Variants in CRIM1 observed in about 807,000 individuals in gnomAD.
The protein encoded by CRIM1 is cysteine-rich motor neuron 1 protein.
Under a neutral mutation model 116.4 loss-of-function variants are expected in CRIM1, and 32 were observed. The ratio of observed to expected loss-of-function variants is 0.27; its 90% CI spans 0.21 to 0.37. The LOEUF (loss-of-function observed/expected upper bound fraction) is 0.37, where lower values mean the gene tolerates loss of function less well. Ranked by LOEUF, CRIM1 falls within the 10% of genes least tolerant of loss-of-function variation. CRIM1 has a pLI of 1.00. For missense variants in CRIM1, 1,331 were observed against 1,354.8 expected (o/e 0.98, Z 0.28); for synonymous variants, 590 against 509.2 (o/e 1.16, Z -2.13).
intron 13 of CRIM1, among the ~76,000 whole-genome samples, chr2:36,528,040 A>G (rs973894776): frequency 2.6e-5 from 4 of 152,164 alleles, no homozygotes; most frequent in Non-Finnish European, 1.5e-5. Flanking sequence ...GCTTCACAAA[A>G]GTGCCAAGAA....
intron 2 of CRIM1, among the ~76,000 whole-genome samples, chr2:36,423,601 GAT>G (rs1487805217): frequency 2.0e-5 from 3 of 152,190 alleles, no homozygotes; most frequent in African/African-American, 7.2e-5. Flanking sequence ...TTGTAAACTT[GAT>G]ATGTTTTTGC....
chr2:36,505,226 T>C (rs1358450325), intron 8 of CRIM1, among the ~76,000 whole-genome samples: 2 of 152,214 alleles, frequency 1.3e-5, no homozygotes, highest in African/African-American at 4.8e-5. Context: ...TTGTAGGAAT[T>C]GCCAGCATCT....
chr2:36,517,608 G>A (rs1398928529), intron 12 of CRIM1, 66 bp downstream of exon 12: 12 of 1,515,092 alleles, frequency 7.9e-6, no homozygotes. Flanking sequence ...TTGTCATTCT[G>A]TGGGACCCAC....
chr2:36,481,155 T>C (rs1679387156), intron 7 of CRIM1, among the ~76,000 whole-genome samples: 3 of 152,178 alleles, frequency 2.0e-5, no homozygotes, highest in African/African-American at 7.2e-5. Flanking sequence ...CTTTAAAAAC[T>C]TGTTGAATAA....
At chr2:36,483,315 T>C (rs1270976491) in intron 7 of CRIM1, among the ~76,000 whole-genome samples, 1 of 152,186 alleles carries the variant, frequency 6.6e-6, no homozygotes, top group East Asian at 1.9e-4. Flanking sequence ...AAAAAAGAGA[T>C]TGGACGGCAG....
At chr2:36,495,111 G>C (rs1186705335) in intron 7 of CRIM1, among the ~76,000 whole-genome samples, 2 of 152,154 alleles carry the variant, frequency 1.3e-5, no homozygotes, top group Non-Finnish European at 2.9e-5. Flanking sequence ...GGATGCATCA[G>C]TGCCGCCAGA....
intron 15 of CRIM1, among the ~76,000 whole-genome samples, 177 bp downstream of exon 15, chr2:36,544,675 A>AT (rs1413125805): frequency 6.4e-4 from 97 of 152,380 alleles, no homozygotes; most frequent in African/African-American, 2.3e-3. Flanking sequence ...CATTGATAAA[A>AT]TAAGTCAGCA....
chr2:36,403,497 C>G (rs1672566116), intron 2 of CRIM1, among the ~76,000 whole-genome samples: 1 of 152,118 alleles, frequency 6.6e-6, no homozygotes, highest in South Asian at 2.1e-4. Flanking sequence ...TTGGGTCCAA[C>G]TCTGAGAAAT....
intron 7 of CRIM1, among the ~76,000 whole-genome samples, chr2:36,484,516 A>G (rs1293309700): frequency 6.6e-6 from 1 of 152,200 alleles, no homozygotes. Flanking sequence ...ATTACTCAAT[A>G]AGAAAAATTC....
intron 1 of CRIM1, among the ~76,000 whole-genome samples, chr2:36,380,228 C>T (rs1670638966): frequency 1.3e-5 from 2 of 152,220 alleles, no homozygotes; most frequent in African/African-American, 4.8e-5. Flanking sequence ...CTGAAGTCTG[C>T]CTGTTCACCT....
chr2:36,519,718 T>C (rs1665253193), intron 12 of CRIM1, among the ~76,000 whole-genome samples: 1 of 152,212 alleles, frequency 6.6e-6, no homozygotes, highest in Non-Finnish European at 1.5e-5. Flanking sequence ...TCTCTTCAGC[T>C]TTCCCTCTTC....
intron 1 of CRIM1, among the ~76,000 whole-genome samples, chr2:36,360,311 A>G (rs112690119): frequency 2.6e-5 from 4 of 152,308 alleles, no homozygotes; most frequent in African/African-American, 7.2e-5. Context: ...CACTGTTCCG[A>G]GGACTCTGTT....
intron 2 of CRIM1, among the ~76,000 whole-genome samples, chr2:36,425,960 T>C (rs969603135): frequency 6.6e-6 from 1 of 152,228 alleles, no homozygotes; most frequent in Non-Finnish European, 1.5e-5. Flanking sequence ...GGAAAATCAC[T>C]TAGCTGGTGA....
At chr2:36,511,703 C>A (rs1664694648) in intron 9 of CRIM1, among the ~76,000 whole-genome samples, 1 of 152,182 alleles carries the variant, frequency 6.6e-6, no homozygotes. Context: ...CTGGCTAGAA[C>A]ACATGTGTTA....
intron 2 of CRIM1, among the ~76,000 whole-genome samples, chr2:36,436,508 A>G (rs933688808): frequency 1.3e-5 from 2 of 152,206 alleles, no homozygotes; most frequent in African/African-American, 4.8e-5. Flanking sequence ...AGTGCTGGAA[A>G]TTTGAAGAGA....
At chr2:36,515,800 T>C (rs1246287582) in intron 11 of CRIM1, among the ~76,000 whole-genome samples, 1 of 152,250 alleles carries the variant, frequency 6.6e-6, no homozygotes, top group Non-Finnish European at 1.5e-5. Flanking sequence ...CTTCCGTACA[T>C]GTCAGCATTT....
At chr2:36,477,154 A>C in intron 6 of CRIM1, 83 bp downstream of exon 6, 96 of 1,114,068 alleles carry the variant, frequency 8.6e-5, no homozygotes, top group Non-Finnish European at 1.1e-4. Flanking sequence ...ATTCAGTCTC[A>C]TCCAAAAGTA....
chr2:36,498,650 C>A (rs1039130264), intron 7 of CRIM1, among the ~76,000 whole-genome samples: 1 of 152,078 alleles, frequency 6.6e-6, no homozygotes, highest in Non-Finnish European at 1.5e-5. Context: ...TCTCTGGGCC[C>A]TGAGGATAAG....
In CRIM1 at chr2:36,512,308, A is replaced by G; in HGVS notation, c.1694A>G (p.Lys565Arg). The G allele has an allele frequency of 2.5e-6, 4 of 1,613,940 alleles. No homozygotes were observed. The highest frequency in any genetic ancestry group is 3.4e-6 in the Non-Finnish European group (4 of 1,179,764). ...NKHGCDICRCKKCPELSCSKI... is the reference protein window; with the variant it reads ...NKHGCDICRCRKCPELSCSKI... ...CACGGCTGTGACATCTGTCGCTGTA[A>G]GAAATGTCCAGAGCTCTCATGCAGT... The change falls in exon 10 of 17, where the codon AAG becomes AGG. Residue 565 changes from lysine to arginine, a missense_variant. Lys to Arg is a conservative substitution (Grantham distance 26). Around this residue, in one of 3 missense-constraint regions of CRIM1, gnomAD observed 358 missense variants for 436.1 expected, o/e 0.82. Coordinates refer to ENST00000280527, the MANE Select transcript of CRIM1 (RefSeq NM_016441.3).
Sources: allele counts gnomAD v4.1 joint callset (sites outside exome capture counted in the v4.1 genomes callset), GRCh38; gene constraint gnomAD v4.1.1; regional missense constraint gnomAD v4.1.1; transcripts MANE v1.5; gene names NCBI Gene and HGNC (gene_info 2026-07-23, HGNC 2026-07-21).